SLC25A41: variants seen among roughly 807,000 people sequenced by gnomAD.
SLC25A41 encodes the protein solute carrier family 25 member 41, also known as mitochondrial carrier protein SCaMC-3L.
SLC25A41 carries 35 observed loss-of-function variants against 34.7 expected under a neutral mutation model. That is an observed-to-expected ratio of 1.01 (90% CI 0.77 to 1.34). The LOEUF (loss-of-function observed/expected upper bound fraction) is 1.34. Among genes scored for constraint, SLC25A41 ranks in the 40% most tolerant of loss-of-function variants. SLC25A41 has a pLI of 0.00. For synonymous variants in SLC25A41, 190 were observed against 209.9 expected (o/e 0.91, Z 0.82); for missense variants, 492 against 489.8 (o/e 1.00, Z -0.04).
chr19:6,427,102 C>T lies in SLC25A41; in HGVS notation c.940+1G>A, dbSNP rs1480768587. The T allele has an allele frequency of 1.3e-6, 2 of 1,597,950 alleles. No homozygotes were observed. Among genetic ancestry groups the T allele is most frequent in the African/African-American group, 2.7e-5 (2 of 74,712 alleles). On this transcript the variant is annotated splice_donor_variant, in intron 6 of 6. Transcript: ENST00000321510. LOFTEE classifies it high-confidence loss of function. This position sits in a 1 kb window ranked among gnomAD's most constrained non-coding sequence, Gnocchi z 4.9. The stretch of plus-strand genomic sequence containing the variant: ...GTGGTGGCCGCTGGGGACAGGCTGA[C>T]CTTGGGCCTGCATCCTGGTGCGCAC...
chr19:6,432,473 ATTTTTTTTT>A (rs34519561), intron 1 of SLC25A41, among the ~76,000 whole-genome samples: 5 of 80,992 alleles, frequency 6.2e-5, no homozygotes, highest in East Asian at 4.4e-4. Context: ...ACAACACCTA[ATTTTTTTTT>A]TTTTTTTTTT....
Position 6,426,467 on chromosome 19 carries a change from G to A in SLC25A41, c.1035C>T (p.Pro345=), listed in dbSNP as rs556325152. The part of the protein sequence containing the change: ...GWLGLYRGMT[P]TLLKVLPAGG... ...CTGCTGGTAAGACCTTCAGTAGCGT[G>A]GGGGTCATGCCTCGGTACAGCCCTA... is the stretch of plus-strand genomic sequence containing the variant. The change falls in exon 7 of 7, where the codon CCC becomes CCT. Residue 345 remains proline, a synonymous_variant. Coordinates refer to ENST00000321510, the MANE Select transcript of SLC25A41 (RefSeq NM_173637.4). 5.0e-6 allele frequency: 8 copies of A among 1,613,768 alleles called. No homozygotes were observed. The highest frequency in any genetic ancestry group is 2.7e-5 in the African/African-American group (2 of 75,042).
At position 6,427,724 on chromosome 19, in the gene SLC25A41, C is replaced by T. The variant is rs1317751616; in HGVS notation, c.625-223G>A. Among the ~76,000 whole-genome samples, 1 of 152,226 alleles carries T rather than the reference C, an allele frequency of 6.6e-6. No individual in the cohort carries two copies. The highest frequency in any genetic ancestry group is 1.5e-5 in the Non-Finnish European group (1 of 68,044). ...CAAGAGAGTGAGGGAAGAAGGCTCA[C>T]GTCTGTCTTCCCAGCCCTTTGGGAG... On this transcript the variant is annotated intron_variant, in intron 4 of 6. Transcript: ENST00000321510. The surrounding 1 kb of genome is among the most constrained non-coding windows in gnomAD (Gnocchi z 4.9).
intron 2 of SLC25A41, among the ~76,000 whole-genome samples, chr19:6,431,132 A>T (rs1419560141): frequency 3.3e-5 from 5 of 151,636 alleles, no homozygotes; most frequent in Admixed American, 6.6e-5. Context: ...TAAATTTTTA[A>T]TTAATTAATT....
Position 6,427,126 on chromosome 19 carries a change from A to G in SLC25A41, c.917T>C (p.Val306Ala), listed in dbSNP as rs200801879. The part of the protein sequence containing the change: ...GQMASYPLTL[V>A]RTRMQAQDTV... ...ACCTTGGGCCTGCATCCTGGTGCGC[A>G]CCAGAGTCAGTGGGTAGCTGGCCAT... Residue 306 changes from valine (V) to alanine (A), a missense_variant, in exon 6 of 7, where the codon GTG becomes GCG. By Grantham distance (64) the Val-to-Ala change is moderately conservative (BLOSUM62 0). Coordinates refer to ENST00000321510, the MANE Select transcript of SLC25A41 (RefSeq NM_173637.4). The surrounding 1 kb of genome is among the most constrained non-coding windows in gnomAD (Gnocchi z 4.9). 427 of 1,607,146 alleles carry G rather than the reference A, an allele frequency of 2.7e-4. 1 individual carries two copies. In the African/African-American group the frequency reaches 5.1e-3, roughly 19 times the overall value.
In SLC25A41 at chr19:6,427,265, G is replaced by A; in HGVS notation, c.793-15C>T. The A allele has an allele frequency of 4.3e-6, 7 of 1,611,830 alleles. No individual in the cohort carries two copies. Among genetic ancestry groups the A allele is most frequent in the Non-Finnish European group, 5.9e-6 (7 of 1,179,176 alleles). On this transcript the variant is annotated splice_polypyrimidine_tract_variant and intron_variant, in intron 5 of 6. Coordinates refer to ENST00000321510, the MANE Select transcript of SLC25A41 (RefSeq NM_173637.4). This position sits in a 1 kb window ranked among gnomAD's most constrained non-coding sequence, Gnocchi z 4.9. ...CACTGGAGCATCTGCAAGAGAAGGG[G>A]GCCAGGAGAAAGCTCACTAGGAGCC...
rs201625353 is a variant in SLC25A41, at chr19:6,426,529, C to T, written c.973G>A (p.Gly325Arg). 156 of 1,613,270 alleles carry T rather than the reference C, an allele frequency of 9.7e-5. 3 individuals carry two copies. The highest frequency in any genetic ancestry group is 4.8e-4 in the South Asian group (44 of 91,084). The change falls in exon 7 of 7, where the codon GGA becomes AGA. Residue 325 changes from glycine (G) to arginine (R), a missense_variant. By Grantham distance (125) the Gly-to-Arg change is moderately radical. Coordinates refer to ENST00000321510, the MANE Select transcript of SLC25A41 (RefSeq NM_173637.4). ...TGGGCCAGGATCCGCTGGAGGACTC[C>T]GCGCATGGTGGGATTTGAGCCCTCC... ...TVEGSNPTMRGVLQRILAQQG... is the reference protein window; with the variant it reads ...TVEGSNPTMRRVLQRILAQQG...
chr19:6,432,600 GT>G (rs1046581514), intron 1 of SLC25A41, among the ~76,000 whole-genome samples: 3 of 119,390 alleles, frequency 2.5e-5, no homozygotes, highest in South Asian at 3.0e-4. Context: ...TTTTGTTTTT[GT>G]TTTTTTTTAG....
upstream of SLC25A41, among the ~76,000 whole-genome samples, chr19:6,434,172 T>C (rs1048945441): frequency 6.6e-5 from 10 of 152,284 alleles, no homozygotes; most frequent in Admixed American, 2.6e-4. Context: ...CTCGATCTCC[T>C]GACCTCATGA....
chr19:6,427,122 G>A lies in SLC25A41; in HGVS notation c.921C>T (p.Arg307=), dbSNP rs1194022690. The change falls in exon 6 of 7, where the codon CGC becomes CGT. Residue 307 remains arginine (R), a synonymous_variant. Transcript: ENST00000321510. The surrounding 1 kb of genome is among the most constrained non-coding windows in gnomAD (Gnocchi z 4.9). ...GCTGACCTTGGGCCTGCATCCTGGT[G>A]CGCACCAGAGTCAGTGGGTAGCTGG... The part of the protein sequence containing the change: ...QMASYPLTLV[R]TRMQAQDTVE... The A allele has an allele frequency of 1.2e-6, 2 of 1,605,690 alleles. No individual in the cohort carries two copies. The highest frequency in any genetic ancestry group is 1.7e-6 in the Non-Finnish European group (2 of 1,176,850).
intron 4 of SLC25A41, among the ~76,000 whole-genome samples, chr19:6,429,096 T>A (rs1251139789): frequency 0.016 from 271 of 16,470 alleles, 62 homozygotes; most frequent in South Asian, 0.019. Context: ...ATATATATGT[T>A]ACATATATAT....
At chr19:6,426,696 T>G in intron 6 of SLC25A41, 135 bp from the exon 7 acceptor site, 1 of 865,570 alleles carries the variant, frequency 1.2e-6, no homozygotes, top group Non-Finnish European at 1.8e-6. Context: ...TGAAGAGTCT[T>G]AGAGGAAATT....
intron 4 of SLC25A41, among the ~76,000 whole-genome samples, chr19:6,429,506 AG>A (rs2092273771): frequency 1.1e-5 from 1 of 92,744 alleles, no homozygotes; most frequent in African/African-American, 4.2e-5. Context: ...AGAAAGGAGG[AG>A]GAGGAGAGGA....
In SLC25A41 at chr19:6,429,997, C is replaced by T. The variant is rs1216641974; in HGVS notation, c.516+12G>A. ...GGCTTGAGCTGGGGGAAGCAGGCCCCTCATTCCCCACCTGCTCGAATACGG... is the reference window on the plus strand; with the variant it reads ...GGCTTGAGCTGGGGGAAGCAGGCCCTTCATTCCCCACCTGCTCGAATACGG... On this transcript the variant is annotated intron_variant, in intron 3 of 6. Transcript: ENST00000321510. The T allele has an allele frequency of 6.2e-7, 1 of 1,610,386 alleles. No homozygotes were observed. Among genetic ancestry groups the T allele is most frequent in the Non-Finnish European group, 8.5e-7 (1 of 1,178,312 alleles).
chr19:6,426,128 G>A lies in SLC25A41; in HGVS notation c.*261C>T. On this transcript the variant is annotated 3_prime_UTR_variant, in exon 7 of 7. Coordinates refer to ENST00000321510, the MANE Select transcript of SLC25A41 (RefSeq NM_173637.4). ...ACGACCCACAAGGGGCCAGACTGGA[G>A]TCCACGTTTCTTGTCTCAGGCTGCA... 2 of 468,910 alleles carry A rather than the reference G, an allele frequency of 4.3e-6. No individual in the cohort carries two copies. The highest frequency in any genetic ancestry group is 3.4e-5 in the South Asian group (1 of 29,236). The allele number at this position is 468,910 out of a possible 1,614,324, so 29.0% of individuals were successfully genotyped here.
intron 2 of SLC25A41, among the ~76,000 whole-genome samples, chr19:6,431,673 C>G (rs2092286096): frequency 6.6e-6 from 1 of 151,864 alleles, no homozygotes; most frequent in South Asian, 2.1e-4. Context: ...AACTCCTGAC[C>G]CCAGATGATC....
chr19:6,434,822 T>C (rs1402518766), upstream of SLC25A41, among the ~76,000 whole-genome samples: 2 of 152,072 alleles, frequency 1.3e-5, no homozygotes, highest in African/African-American at 4.8e-5. Flanking sequence ...GACAGGAGAA[T>C]TGCTTGAACC....
intron 6 of SLC25A41, 90 bp from the exon 7 acceptor site, chr19:6,426,651 G>C (rs1599252027): frequency 1.4e-6 from 2 of 1,472,466 alleles, no homozygotes; most frequent in East Asian, 2.3e-5. Flanking sequence ...CTGAAGCCAC[G>C]GGTAGGGGCC....
chr19:6,431,588 C>T (rs1362559707), intron 2 of SLC25A41, among the ~76,000 whole-genome samples: 5 of 151,884 alleles, frequency 3.3e-5, no homozygotes, highest in East Asian at 3.9e-4. Flanking sequence ...TACAGGCACG[C>T]ACCACCATGC....
Sources: allele counts gnomAD v4.1 joint callset (sites outside exome capture counted in the v4.1 genomes callset), GRCh38; gene constraint gnomAD v4.1.1; non-coding constraint Gnocchi (gnomAD v3.1); transcripts MANE v1.5; gene names NCBI Gene and HGNC (gene_info 2026-07-23, HGNC 2026-07-21).